STYXL1: variants seen among roughly 807,000 people sequenced by gnomAD.
The protein encoded by STYXL1 is serine/threonine/tyrosine interacting like 1.
STYXL1 carries 32 observed loss-of-function variants against 36.4 expected under a neutral mutation model. That is an observed-to-expected ratio of 0.88 (90% CI 0.66 to 1.18). The LOEUF (loss-of-function observed/expected upper bound fraction) is 1.18, where lower values mean the gene tolerates loss of function less well. STYXL1 is among the 50% of genes most tolerant of loss of function. The probability of loss-of-function intolerance (pLI) is 0.00; values close to 1 mark genes in which losing one functional copy is unlikely to be tolerated. For missense variants in STYXL1, 354 were observed against 394.1 expected (o/e 0.90, Z 0.86); for synonymous variants, 133 against 144.1 (o/e 0.92, Z 0.55).
intron 1 of STYXL1, among the ~76,000 whole-genome samples, chr7:76,047,103 A>C (rs1303744270): frequency 6.6e-6 from 1 of 151,794 alleles, no homozygotes; most frequent in Non-Finnish European, 1.5e-5. Flanking sequence ...CTACTAAAAA[A>C]AAAATACAAA....
At chr7:76,028,421 T>G (rs1232597078) in intron 3 of STYXL1, among the ~76,000 whole-genome samples, 2 of 152,130 alleles carry the variant, frequency 1.3e-5, no homozygotes, top group African/African-American at 4.8e-5. Flanking sequence ...TCTCAAAAAT[T>G]AAATCAGTAT....
rs782003928 is a variant in STYXL1, at chr7:76,047,734, G to C, written c.-77C>G. 26 of 295,980 alleles carry C rather than the reference G, an allele frequency of 8.8e-5. No homozygotes were observed. The highest frequency in any genetic ancestry group is 1.3e-4 in the Non-Finnish European group (21 of 158,196). The allele number at this position is 295,980 out of a possible 1,614,324, so 18.3% of individuals were successfully genotyped here. On this transcript the variant is annotated 5_prime_UTR_variant, in exon 1 of 9. Transcript: ENST00000359697. ...GGGTTTGGCTGAGGTCGGGGGCTCG[G>C]GTCTGGGACGCGCTCCACCTCCCCG...
At chr7:76,015,392 T>C (rs1793154603) in intron 4 of STYXL1, among the ~76,000 whole-genome samples, 1 of 152,190 alleles carries the variant, frequency 6.6e-6, no homozygotes, top group African/African-American at 2.4e-5. Context: ...AAGACTTAAA[T>C]GTAACACCTG....
At chr7:76,019,943 AAAAG>A (rs1793857447) in intron 4 of STYXL1, among the ~76,000 whole-genome samples, 1 of 151,808 alleles carries the variant, frequency 6.6e-6, no homozygotes, top group Admixed American at 6.6e-5. Flanking sequence ...AAAAAAAAAA[AAAAG>A]AAAGAAGGGG....
At chr7:76,009,355 C>G (rs1343011285) in intron 5 of STYXL1, among the ~76,000 whole-genome samples, 1 of 151,334 alleles carries the variant, frequency 6.6e-6, no homozygotes, top group East Asian at 1.9e-4. Flanking sequence ...ATCATCCCAG[C>G]CCCCTCTCTC....
intron 8 of STYXL1, among the ~76,000 whole-genome samples, chr7:75,997,335 G>C (rs546352212): frequency 1.1e-4 from 17 of 152,328 alleles, no homozygotes; most frequent in Admixed American, 6.5e-4. Context: ...TTGGGTGGCT[G>C]AGGCAGGAAA....
chr7:76,005,609 C>T (rs1243106730), intron 5 of STYXL1, among the ~76,000 whole-genome samples: 1 of 152,090 alleles, frequency 6.6e-6, no homozygotes, highest in Non-Finnish European at 1.5e-5. Flanking sequence ...AGGACTGAGC[C>T]TCATCGTGCA....
At chr7:75,999,315 CA>C (rs1790508689) in intron 8 of STYXL1, among the ~76,000 whole-genome samples, 2 of 152,092 alleles carry the variant, frequency 1.3e-5, no homozygotes, top group Non-Finnish European at 2.9e-5. Flanking sequence ...GTCAAATTCA[CA>C]GAGACAAAAA....
chr7:75,999,538 T>TGTGA (rs1265914549), intron 8 of STYXL1, among the ~76,000 whole-genome samples: 19,144 of 138,438 alleles, frequency 0.14, 1,385 homozygotes, highest in East Asian at 0.25. Context: ...TGTGTGTGTG[T>TGTGA]GTGTGTGTGT....
At chr7:76,030,908 C>T in intron 1 of STYXL1, among the ~76,000 whole-genome samples, 1 of 151,010 alleles carries the variant, frequency 6.6e-6, no homozygotes, top group East Asian at 1.9e-4. Flanking sequence ...CACCTGTAAT[C>T]CCAGCACTTT....
chr7:76,042,823 T>C (rs1036306307), intron 1 of STYXL1, among the ~76,000 whole-genome samples: 1 of 152,234 alleles, frequency 6.6e-6, no homozygotes, highest in Non-Finnish European at 1.5e-5. Flanking sequence ...AGCATCTTTC[T>C]GATTCCAAAC....
At chr7:76,010,248 TG>T in intron 5 of STYXL1, among the ~76,000 whole-genome samples, 1 of 96,784 alleles carries the variant, frequency 1.0e-5, no homozygotes, top group South Asian at 3.2e-4. Context: ...TATACTAGAC[TG>T]ATTGTCTTTA....
At chr7:76,027,896 G>A (rs1554578177) in intron 3 of STYXL1, among the ~76,000 whole-genome samples, 2 of 151,448 alleles carry the variant, frequency 1.3e-5, no homozygotes, top group Non-Finnish European at 2.9e-5. Context: ...TTGAGTCCAG[G>A]AGTTCAAGAG....
At chr7:75,999,262 T>C (rs1790501245) in intron 8 of STYXL1, 1 of 154,076 alleles carries the variant, frequency 6.5e-6, no homozygotes. Context: ...TGGAATATTA[T>C]TCAGCCTTAA....
intron 7 of STYXL1, among the ~76,000 whole-genome samples, chr7:76,002,432 T>C (rs1303104729): frequency 2.0e-5 from 3 of 152,186 alleles, no homozygotes; most frequent in Non-Finnish European, 4.4e-5. Flanking sequence ...GAGATGACGA[T>C]GGCCACCTTC....
At position 75,996,484 on chromosome 7, in the gene STYXL1, A is replaced by G. The variant is rs1554564072; in HGVS notation, c.926T>C (p.Met309Thr). ...CGGAGAAGATCAGTAGAGCGGATCC[A>G]TGATGTTTGTGATGGAATCTCCAAG... ...TILGDSITNI[M>T]DPLY The change falls in exon 9 of 9, where the codon ATG becomes ACG. Residue 309 changes from methionine to threonine, a missense_variant. Met to Thr is a moderately conservative substitution (Grantham distance 81). Transcript: ENST00000359697. 3 of 1,614,094 alleles carry G rather than the reference A, an allele frequency of 1.9e-6. No homozygotes were observed. Among genetic ancestry groups the G allele is most frequent in the Admixed American group, 3.3e-5 (2 of 60,004 alleles).
At chr7:76,021,191 C>T (rs1468668680) in intron 4 of STYXL1, among the ~76,000 whole-genome samples, 16 of 152,128 alleles carry the variant, frequency 1.1e-4, no homozygotes, top group Admixed American at 8.5e-4. Flanking sequence ...CATTCTCCTG[C>T]CTCAGCCTCC....
intron 3 of STYXL1, among the ~76,000 whole-genome samples, chr7:76,024,615 T>TCAAAA (rs1382908067): frequency 6.6e-6 from 1 of 150,530 alleles, no homozygotes; most frequent in African/African-American, 2.4e-5. Flanking sequence ...AGACCCTGTC[T>TCAAAA]CAAAACAAAA....
At chr7:76,022,643 T>A (rs1554576573) in intron 3 of STYXL1, among the ~76,000 whole-genome samples, 1 of 152,042 alleles carries the variant, frequency 6.6e-6, no homozygotes, top group African/African-American at 2.4e-5. Flanking sequence ...CCAGTCTGGG[T>A]GACAGAGCAA....
Sources: gnomAD v4.1 joint callset for allele counts (sites outside exome capture counted in the v4.1 genomes callset) on GRCh38, gnomAD v4.1.1 for gene constraint, MANE v1.5 for transcripts, NCBI Gene and HGNC (gene_info 2026-07-23, HGNC 2026-07-21) for gene names.